Variants in TEX36 observed in about 807,000 individuals in gnomAD.
TEX36 encodes the protein testis expressed 36.
Under a neutral mutation model 13.6 loss-of-function variants are expected in TEX36, and 12 were observed. The observed-to-expected ratio is 0.88, with a 90% CI of 0.56 to 1.43. The LOEUF is 1.43. TEX36 is among the 40% of genes most tolerant of loss of function. The probability of loss-of-function intolerance (pLI) is 0.00; values close to 1 mark genes in which losing one functional copy is unlikely to be tolerated. For synonymous variants in TEX36, 93 were observed against 83.0 expected (o/e 1.12, Z -0.65); for missense variants, 224 against 228.3 (o/e 0.98, Z 0.12).
downstream of TEX36, among the ~76,000 whole-genome samples, chr10:125,618,600 G>A (rs1231022791): frequency 1.3e-5 from 2 of 152,046 alleles, no homozygotes; most frequent in Non-Finnish European, 2.9e-5. Flanking sequence ...AGGCTGCTCG[G>A]GGGTCAGGGG....
chr10:125,627,914 G>A (rs1311910053), intron 3 of TEX36, among the ~76,000 whole-genome samples: 1 of 152,182 alleles, frequency 6.6e-6, no homozygotes, highest in Non-Finnish European at 1.5e-5. Context: ...AAAGCCACAG[G>A]AGACTCTTCA....
At chr10:125,613,148 G>A (rs1846311174) in intron 3 of TEX36, among the ~76,000 whole-genome samples, 1 of 150,352 alleles carries the variant, frequency 6.7e-6, no homozygotes, top group East Asian at 1.9e-4. Context: ...GTCAGTCCCA[G>A]CTCTGCCGCT....
At chr10:125,681,577 T>C (rs985497540) in intron 1 of TEX36, among the ~76,000 whole-genome samples, 4 of 152,212 alleles carry the variant, frequency 2.6e-5, no homozygotes, top group Non-Finnish European at 5.9e-5. Flanking sequence ...TATGTCTATG[T>C]TATATGTGTT....
intron 3 of TEX36, among the ~76,000 whole-genome samples, chr10:125,579,089 G>A (rs760055800): frequency 2.0e-5 from 3 of 152,170 alleles, no homozygotes; most frequent in Non-Finnish European, 4.4e-5. Flanking sequence ...CTTCCTTGGT[G>A]AGGCTTCCCT....
chr10:125,655,799 T>C lies in TEX36; in HGVS notation c.*101A>G. 2 of 1,355,854 alleles carry C rather than the reference T, an allele frequency of 1.5e-6. No homozygotes were observed. Among genetic ancestry groups the C allele is most frequent in the Non-Finnish European group, 1.9e-6 (2 of 1,050,854 alleles). 84.0% of individuals were successfully genotyped at this position (1,355,854 alleles called of 1,614,324 possible). The stretch of plus-strand genomic sequence containing the variant: ...GACCTTATAAAAATCATAAAAGTAC[T>C]TTAAAAATTAAATAGTGGTGCTGGA... On this transcript the variant is annotated 3_prime_UTR_variant, in exon 4 of 4. Transcript: ENST00000368821.
At chr10:125,662,035 G>T in intron 1 of TEX36, 58 bp from the exon 2 acceptor site, 1 of 1,549,912 alleles carries the variant, frequency 6.5e-7, no homozygotes, top group Non-Finnish European at 8.7e-7. Flanking sequence ...TACAAGCCAA[G>T]TATCAGGGCT....
At chr10:125,674,507 C>G (rs928418940) in intron 1 of TEX36, among the ~76,000 whole-genome samples, 4 of 152,284 alleles carry the variant, frequency 2.6e-5, no homozygotes, top group Middle Eastern at 3.4e-3. Flanking sequence ...GGCACTCTGA[C>G]TTTTTGAGTT....
chr10:125,636,420 T>C (rs1350079367), intron 3 of TEX36, among the ~76,000 whole-genome samples: 2 of 150,742 alleles, frequency 1.3e-5, no homozygotes, highest in Non-Finnish European at 3.0e-5. Context: ...TTCACCGTGT[T>C]AGCCAGGATG....
intron 3 of TEX36, among the ~76,000 whole-genome samples, chr10:125,579,993 G>T (rs1392165075): frequency 6.6e-6 from 1 of 152,194 alleles, no homozygotes; most frequent in Non-Finnish European, 1.5e-5. Flanking sequence ...CAAGAATGTT[G>T]TTAGATGTTG....
At chr10:125,596,035 G>T (rs1846078994) in intron 3 of TEX36, among the ~76,000 whole-genome samples, 1 of 152,180 alleles carries the variant, frequency 6.6e-6, no homozygotes, top group South Asian at 2.1e-4. Flanking sequence ...TCTGAATCCA[G>T]AAATTATTTC....
At chr10:125,608,959 AC>A (rs2133549469) in intron 3 of TEX36, among the ~76,000 whole-genome samples, 1 of 140,556 alleles carries the variant, frequency 7.1e-6, no homozygotes, top group East Asian at 2.1e-4. Flanking sequence ...ACATGGTGAA[AC>A]CCCACCTCTA....
chr10:125,645,511 C>G (rs1042773623), intron 3 of TEX36, among the ~76,000 whole-genome samples: 1 of 152,150 alleles, frequency 6.6e-6, no homozygotes, highest in African/African-American at 2.4e-5. Context: ...AGCAAGAAGG[C>G]CCTCACCAGA....
intron 3 of TEX36, among the ~76,000 whole-genome samples, chr10:125,591,665 G>A (rs529232537): frequency 2.5e-4 from 38 of 152,348 alleles, no homozygotes; most frequent in Middle Eastern, 3.4e-3. Context: ...CTGTATTAGA[G>A]CAGATCTTAG....
At chr10:125,663,388 T>C (rs1187257761) in intron 1 of TEX36, among the ~76,000 whole-genome samples, 1 of 152,214 alleles carries the variant, frequency 6.6e-6, no homozygotes, top group African/African-American at 2.4e-5. Context: ...CCCTCAGATA[T>C]ATTGATTTTT....
intron 1 of TEX36, among the ~76,000 whole-genome samples, chr10:125,677,709 T>C (rs1464097588): frequency 1.3e-5 from 2 of 152,180 alleles, no homozygotes; most frequent in Non-Finnish European, 2.9e-5. Context: ...TGAGACATAG[T>C]CTCACTCTAT....
intron 3 of TEX36, among the ~76,000 whole-genome samples, chr10:125,611,026 C>CT (rs1049406772): frequency 2.0e-5 from 3 of 152,110 alleles, no homozygotes; most frequent in Non-Finnish European, 2.9e-5. Context: ...TGTAACCTGC[C>CT]TTTTTTTCAT....
intron 3 of TEX36, among the ~76,000 whole-genome samples, chr10:125,635,278 T>C (rs1451706820): frequency 6.6e-6 from 1 of 152,208 alleles, no homozygotes; most frequent in African/African-American, 2.4e-5. Flanking sequence ...GTAGCCAGAC[T>C]CTTACCCTGC....
chr10:125,667,330 C>G (rs938600200), intron 1 of TEX36: 12 of 642,094 alleles, frequency 1.9e-5, no homozygotes, highest in Admixed American at 3.7e-5. Context: ...TCAGCACCTT[C>G]TTGGTCACAC....
intron 3 of TEX36, among the ~76,000 whole-genome samples, chr10:125,587,786 TAAAAAAAAA>T (rs56198506): frequency 2.0e-5 from 2 of 101,882 alleles, no homozygotes; most frequent in East Asian, 2.6e-4. Flanking sequence ...GTCTCAAAAT[TAAAAAAAAA>T]AAAAAAAAAA....
Sources: allele counts gnomAD v4.1 joint callset (sites outside exome capture counted in the v4.1 genomes callset), GRCh38; gene constraint gnomAD v4.1.1; transcripts MANE v1.5; gene names NCBI Gene and HGNC (gene_info 2026-07-23, HGNC 2026-07-21).